The following C9orf78 variants were observed in gnomAD, a reference collection of about 807,000 sequenced individuals.
C9orf78 encodes the protein chromosome 9 open reading frame 78.
C9orf78 carries 19 observed loss-of-function variants against 37.4 expected under a neutral mutation model. The observed-to-expected ratio is 0.51, with a 90% confidence interval of 0.35 to 0.74. The LOEUF (loss-of-function observed/expected upper bound fraction) is 0.74, where lower values mean the gene tolerates loss of function less well. C9orf78 is among the 30% of genes least tolerant of loss of function. C9orf78 has a pLI of 0.01. For missense variants in C9orf78, 291 were observed against 370.8 expected, an observed-to-expected ratio of 0.78 and a Z score of 1.77; for synonymous variants, 130 against 128.0, an observed-to-expected ratio of 1.02 and a Z score of -0.10.
At chr9:129,834,879 C>T in intron 1 of C9orf78, 113 bp from the exon 2 acceptor site, 1 of 852,340 alleles carries the variant, frequency 1.2e-6, no homozygotes, top group South Asian at 1.5e-5. Context: ...GCTACTGAGC[C>T]ACCAGCACAG....
At position 129,831,084 on chromosome 9, in the gene C9orf78, C is replaced by G. The variant is rs753694258; in HGVS notation, c.345-16G>C. On this transcript the variant is annotated splice_polypyrimidine_tract_variant and intron_variant, in intron 5 of 8. Coordinates refer to ENST00000372447, the MANE Select transcript of C9orf78 (RefSeq NM_016520.3). The stretch of plus-strand genomic sequence containing the variant: ...GTACTTCATCCTGAAGTGAGAAACC[C>G]AGAGGCCTCAGGGAGGGGTGGGAAA... The G allele has an allele frequency of 6.4e-7, 1 of 1,574,102 alleles. No individual in the cohort carries two copies. The highest frequency in any genetic ancestry group is 8.7e-7 in the Non-Finnish European group (1 of 1,144,722).
Position 129,829,404 on chromosome 9 carries a change from C to T in C9orf78, c.679+1G>A. ...GCAAGACTGCTCTCCGAGGGGCTTA[C>T]ATCTGTTGTGCTGCACATAATTCAC... On this transcript the variant is annotated splice_donor_variant, in intron 7 of 8. Coordinates refer to ENST00000372447, the MANE Select transcript of C9orf78 (RefSeq NM_016520.3). LOFTEE classifies it high-confidence loss of function. 1 of 1,613,770 alleles carries T rather than the reference C, an allele frequency of 6.2e-7. No homozygotes were observed. The highest frequency in any genetic ancestry group is 8.5e-7 in the Non-Finnish European group (1 of 1,179,710).
intron 2 of C9orf78, 68 bp from the exon 3 acceptor site, chr9:129,833,777 A>C: frequency 1.7e-6 from 2 of 1,153,466 alleles, no homozygotes; most frequent in Non-Finnish European, 2.6e-6. Flanking sequence ...ATAAGGAGGA[A>C]CCCTCTCAGG....
At chr9:129,828,570 C>A in intron 8 of C9orf78, 4 of 238,690 alleles carry the variant, frequency 1.7e-5, no homozygotes, top group South Asian at 1.4e-4. Context: ...ATTACAGGCA[C>A]CTGCCACCTC....
chr9:129,832,090 C>CAA (rs61391213), intron 4 of C9orf78, 117 bp from the exon 5 acceptor site: 113 of 454,250 alleles, frequency 2.5e-4, no homozygotes, highest in South Asian at 8.0e-4. Flanking sequence ...TTACAGTTGG[C>CAA]AAAAAAAAAA....
intron 6 of C9orf78, chr9:129,830,587 CA>C (rs2031468079): frequency 2.5e-6 from 1 of 402,288 alleles, no homozygotes; most frequent in Admixed American, 3.7e-5. Flanking sequence ...GATCTCGCCT[CA>C]CTGCAACCTC....
chr9:129,830,512 A>AT (rs934414187), intron 6 of C9orf78: 73 of 260,580 alleles, frequency 2.8e-4, no homozygotes, highest in South Asian at 6.8e-4. Flanking sequence ...TCCCCCATAA[A>AT]TTTTTTTTTC....
At position 129,834,831 on chromosome 9, in the gene C9orf78, C is replaced by G. The variant is rs78869308; in HGVS notation, c.84-65G>C. On this transcript the variant is annotated intron_variant, in intron 1 of 8. Coordinates refer to ENST00000372447, the MANE Select transcript of C9orf78 (RefSeq NM_016520.3). The stretch of plus-strand genomic sequence containing the variant: ...GATTCCCCGCGGAATCCAAAGCTAA[C>G]AGAGCCAATAAGGCACCTTCGAGGG... The G allele has an allele frequency of 6.1e-6, 8 of 1,322,018 alleles. No individual in the cohort carries two copies. In the African/African-American group the frequency reaches 1.0e-4, roughly 17 times the overall value. 81.9% of individuals were successfully genotyped at this position (1,322,018 alleles called of 1,614,324 possible).
At position 129,831,008 on chromosome 9, in the gene C9orf78, C is replaced by T; in HGVS notation, c.405G>A (p.Gln135=). The change falls in exon 6 of 9, where the codon CAG becomes CAA. Residue 135 remains glutamine (Q), a synonymous_variant. Coordinates refer to ENST00000372447, the MANE Select transcript of C9orf78 (RefSeq NM_016520.3). ...KRKGIVEHEE[Q]KVKPKNAEDC... ...CCTCTGCATTCTTTGGCTTAACTTT[C>T]TGTTCCTCATGTTCCACGATCCCTT... The T allele has an allele frequency of 6.2e-7, 1 of 1,613,690 alleles. No homozygotes were observed. Among genetic ancestry groups the T allele is most frequent in the Non-Finnish European group, 8.5e-7 (1 of 1,179,598 alleles).
At chr9:129,833,880 C>A (rs67061074) in intron 2 of C9orf78, 171 bp from the exon 3 acceptor site, 1 of 603,610 alleles carries the variant, frequency 1.7e-6, no homozygotes. Flanking sequence ...CAGGGCTCAA[C>A]GAGCACCGCA....
intron 4 of C9orf78, 52 bp from the exon 5 acceptor site, chr9:129,832,025 C>T (rs1181535900): frequency 2.4e-6 from 2 of 850,994 alleles, no homozygotes; most frequent in Non-Finnish European, 4.1e-6. Context: ...CTCAATGAGG[C>T]TGAGTTTTAT....
chr9:129,834,810 C>T, intron 1 of C9orf78, 44 bp from the exon 2 acceptor site: 5 of 1,466,954 alleles, frequency 3.4e-6, no homozygotes, highest in Non-Finnish European at 4.8e-6. Flanking sequence ...CTGAGTGATT[C>T]CCCGCGGAAT....
intron 4 of C9orf78, among the ~76,000 whole-genome samples, chr9:129,833,246 G>C (rs74678504): frequency 6.6e-6 from 1 of 151,808 alleles, no homozygotes; most frequent in Non-Finnish European, 1.5e-5. Context: ...CTTACAAAAG[G>C]AGTCTACCAA....
rs144931603 is a variant in C9orf78 at position 129,829,514 on chromosome 9, C to T, written c.570G>A (p.Thr190=). The change falls in exon 7 of 9, where the codon ACG becomes ACA. Residue 190 remains threonine (T), a synonymous_variant. Coordinates refer to ENST00000372447, the MANE Select transcript of C9orf78 (RefSeq NM_016520.3). ...IDAKIKNIIS[T]EDAKARLLAE... is the part of the protein sequence containing the mutation. ...CCAGCAGACGGGCCTTGGCATCCTC[C>T]GTGGAAATGATATTTTTTATTTTAG... The T allele has an allele frequency of 8.2e-5, 133 of 1,613,896 alleles. No individual in the cohort carries two copies. Among genetic ancestry groups the T allele is most frequent in the Middle Eastern group, 1.7e-4 (1 of 6,054 alleles).
At chr9:129,830,797 A>T in intron 6 of C9orf78, 74 bp downstream of exon 6, 1 of 1,046,358 alleles carries the variant, frequency 9.6e-7, no homozygotes, top group Non-Finnish European at 1.5e-6. Context: ...GGCATGAGCC[A>T]CCGTGCCTGG....
In C9orf78 at chr9:129,828,101, A is replaced by G; in HGVS notation, c.*60T>C. ...AGCCACCACGCCCGGCCAGGAAGCC[A>G]TTTTTCATGGGAGGGATATAGGGAG... is the stretch of plus-strand genomic sequence containing the variant. On this transcript the variant is annotated 3_prime_UTR_variant, in exon 9 of 9. Coordinates refer to ENST00000372447, the MANE Select transcript of C9orf78 (RefSeq NM_016520.3). 1 of 1,054,514 alleles carries G rather than the reference A, an allele frequency of 9.5e-7. No individual in the cohort carries two copies. The highest frequency in any genetic ancestry group is 1.5e-6 in the Non-Finnish European group (1 of 686,092). The allele number at this position is 1,054,514 out of a possible 1,614,324, so 65.3% of individuals were successfully genotyped here. A position where few individuals can be genotyped will look rare whatever the true frequency, so the allele number is the denominator to read the frequency against.
In C9orf78 at chr9:129,827,716, G is replaced by A. The variant is rs1295592448; in HGVS notation, c.*445C>T. On this transcript the variant is annotated 3_prime_UTR_variant, in exon 9 of 9. Transcript: ENST00000372447. ...CAGCAGGTAAGTAGAAGGACTAACA[G>A]GGTCTGTTTCTGGAACTGTCCGCCA... 2 of 152,414 alleles carry A rather than the reference G, an allele frequency of 1.3e-5. No individual in the cohort carries two copies. The highest frequency in any genetic ancestry group is 3.9e-4 in the East Asian group (2 of 5,180). The allele number at this position is 152,414 out of a possible 1,614,324, so 9.4% of individuals were successfully genotyped here.
chr9:129,829,584 C>T, intron 6 of C9orf78, 43 bp from the exon 7 acceptor site: 1 of 1,584,036 alleles, frequency 6.3e-7, no homozygotes, highest in Non-Finnish European at 8.6e-7. Flanking sequence ...GATGATAGCA[C>T]CTTACTACTC....
At chr9:129,833,570 A>T in intron 3 of C9orf78, 53 bp from the exon 4 acceptor site, 18 of 1,227,332 alleles carry the variant, frequency 1.5e-5, no homozygotes, top group Non-Finnish European at 2.0e-5. Context: ...TGGTAGTGGA[A>T]TTTTTTTTTT....
Sources: allele counts gnomAD v4.1 joint callset (sites outside exome capture counted in the v4.1 genomes callset), GRCh38; gene constraint gnomAD v4.1.1; transcripts MANE v1.5; gene names NCBI Gene and HGNC (gene_info 2026-07-23, HGNC 2026-07-21).